The following MUC4 variants were observed in gnomAD, a reference collection of about 807,000 sequenced individuals.
MUC4 encodes mucin 4, cell surface associated.
Under a neutral mutation model 257.9 loss-of-function variants are expected in MUC4, and 202 were observed. The ratio of observed to expected loss-of-function variants is 0.78; its 90% CI spans 0.70 to 0.88. MUC4 has a LOEUF of 0.88. Among genes scored for constraint, MUC4 ranks in the 40% least tolerant of loss-of-function variants. MUC4 has a pLI of 0.00. For synonymous variants in MUC4, 2,351 were observed against 2,757.1 expected (o/e 0.85, Z 4.62); for missense variants, 5,976 against 6,513.7 (o/e 0.92, Z 2.84).
intron 2 of MUC4, 49 bp from the exon 3 acceptor site, chr3:195,778,504 A>G: frequency 6.3e-7 from 1 of 1,599,638 alleles, no homozygotes; most frequent in Non-Finnish European, 8.5e-7. Context: ...GTAACAAAAC[A>G]GGAGAGTCAA....
chr3:195,748,906 A>G lies in MUC4; in HGVS notation c.16030T>C (p.Cys5344Arg). The G allele has an allele frequency of 1.3e-6, 2 of 1,579,900 alleles. No homozygotes were observed. Among genetic ancestry groups the G allele is most frequent in the East Asian group, 2.3e-5 (1 of 43,736 alleles). ...CCTGGCCACAGCCCTATGCACCTGC[A>G]GCGGGGCCCACTGGGCAGGTGCTGG... ...QCQHLPSGPR[C>R]SCVSFSIYTA... Residue 5344 changes from cysteine to arginine, a missense_variant, in exon 24 of 25, where the codon TGC becomes CGC. By Grantham distance (180) the Cys-to-Arg change is radical. Transcript: ENST00000463781.
intron 21 of MUC4, 45 bp downstream of exon 21, chr3:195,752,328 C>T (rs768579370): frequency 9.7e-6 from 15 of 1,540,936 alleles, no homozygotes; most frequent in South Asian, 3.3e-5. Context: ...GGCCTGAACC[C>T]GCCAAGCGCC....
intron 16 of MUC4, 99 bp downstream of exon 16, chr3:195,760,785 A>G (rs1718714245): frequency 1.0e-6 from 1 of 957,238 alleles, no homozygotes; most frequent in Non-Finnish European, 1.7e-6. Context: ...GAATCTGCTC[A>G]GTGAATGCAG....
At chr3:195,760,824 G>A (rs1718725960) in intron 16 of MUC4, 60 bp downstream of exon 16, 3 of 1,393,714 alleles carry the variant, frequency 2.2e-6, no homozygotes, top group Non-Finnish European at 2.0e-6. Context: ...GGTCAGGCAA[G>A]GGCAGCTCCT....
At position 195,782,668 on chromosome 3, in the gene MUC4, G is replaced by T; in HGVS notation, c.8912C>A (p.Thr2971Lys). Reference protein sequence around the residue: ...LPVTDTSSASTGHATPLPDTD... With the variant: ...LPVTDTSSASKGHATPLPDTD... ...GTCAGGAAGAGGGGTGGCGTGACCTGTGGATGCTGAGGAAGTGTCGGTGAC... is the reference window on the plus strand; with the variant it reads ...GTCAGGAAGAGGGGTGGCGTGACCTTTGGATGCTGAGGAAGTGTCGGTGAC... Residue 2971 changes from threonine to lysine, a missense_variant, in exon 2 of 25, where the codon ACA becomes AAA. By Grantham distance (78) the Thr-to-Lys change is moderately conservative. Around this residue, in one of 44 missense-constraint regions of MUC4, gnomAD observed 13 missense variants for 52.4 expected, o/e 0.25. Coordinates refer to ENST00000463781, the MANE Select transcript of MUC4 (RefSeq NM_018406.7). 1 of 1,276,102 alleles carries T rather than the reference G, an allele frequency of 7.8e-7. No individual in the cohort carries two copies. The highest frequency in any genetic ancestry group is 1.1e-6 in the Non-Finnish European group (1 of 936,766). The allele number at this position is 1,276,102 out of a possible 1,614,324, so 79.0% of individuals were successfully genotyped here.
intron 17 of MUC4, among the ~76,000 whole-genome samples, chr3:195,758,822 C>T (rs990232987): frequency 1.3e-5 from 2 of 151,418 alleles, no homozygotes; most frequent in African/African-American, 4.9e-5. Flanking sequence ...CCGCCCACCT[C>T]GGCCTCCCAA....
chr3:195,767,528 T>TCATCACCATCACCACCACCATCAC (rs1472909855), intron 7 of MUC4, among the ~76,000 whole-genome samples: 1 of 28,078 alleles, frequency 3.6e-5, no homozygotes, highest in African/African-American at 1.1e-4. Flanking sequence ...ACCACCACCA[T>TCATCACCATCACCACCACCATCAC]CGCCACCACC....
At chr3:195,762,277 A>G (rs1322418430) in intron 13 of MUC4, 23 bp from the exon 14 acceptor site, 4 of 1,553,386 alleles carry the variant, frequency 2.6e-6, no homozygotes, top group Middle Eastern at 1.8e-4. Flanking sequence ...GAGGCAGCGG[A>G]GAGGAAGCCA....
chr3:195,766,357 C>CT (rs1720482056), intron 8 of MUC4, among the ~76,000 whole-genome samples: 1 of 152,122 alleles, frequency 6.6e-6, no homozygotes, highest in African/African-American at 2.4e-5. Context: ...ATCCCACCTC[C>CT]CACAAGACCC....
Position 195,789,949 on chromosome 3 carries a change from T to C in MUC4, c.1631A>G (p.Glu544Gly), listed in dbSNP as rs747119320. The C allele has an allele frequency of 5.0e-6, 8 of 1,613,806 alleles. No homozygotes were observed. In the South Asian group the frequency reaches 8.8e-5, roughly 18 times the overall value. Residue 544 changes from glutamate to glycine, a missense_variant, in exon 2 of 25, where the codon GAG (glutamate) becomes GGG (glycine). By Grantham distance (98) the Glu-to-Gly change is moderately conservative. Around this residue, in one of 44 missense-constraint regions of MUC4, gnomAD observed 1,583 missense variants for 1,257.4 expected, o/e 1.26. Coordinates refer to ENST00000463781, the MANE Select transcript of MUC4 (RefSeq NM_018406.7). ...SKVSAIGEPG[E>G]PTTYSSHSTT... ...GCTGTGGGAGGAGTATGTGGTGGGC[T>C]CTCCTGGTTCCCCTATTGCTGAGAC...
chr3:195,749,457 C>T (rs1240057910), intron 23 of MUC4, among the ~76,000 whole-genome samples: 4 of 152,128 alleles, frequency 2.6e-5, no homozygotes, highest in Non-Finnish European at 4.4e-5. Context: ...ATTCAGGGAA[C>T]ATTCCTTCAC....
At chr3:195,798,065 C>G (rs960507154) in intron 1 of MUC4, among the ~76,000 whole-genome samples, 1 of 152,140 alleles carries the variant, frequency 6.6e-6, no homozygotes, top group Admixed American at 6.5e-5. Flanking sequence ...CTGCAGTGAG[C>G]TATGATCACC....
At chr3:195,767,793 C>CCACCATCACCCCCAA (rs1553861076) in intron 7 of MUC4, among the ~76,000 whole-genome samples, 1 of 73,294 alleles carries the variant, frequency 1.4e-5, no homozygotes, top group African/African-American at 5.3e-5. Context: ...ACCATCATTG[C>CCACCATCACCCCCAA]CACCACCATC....
intron 1 of MUC4, among the ~76,000 whole-genome samples, chr3:195,794,408 GAGAA>G (rs1734305874): frequency 6.6e-6 from 1 of 151,870 alleles, no homozygotes; most frequent in Admixed American, 6.6e-5. Flanking sequence ...GAGAGAGAGA[GAGAA>G]AGAAAGAGAG....
chr3:195,807,557 G>T (rs1343052468), intron 1 of MUC4, among the ~76,000 whole-genome samples: 1 of 152,142 alleles, frequency 6.6e-6, no homozygotes, highest in Non-Finnish European at 1.5e-5. Context: ...GGTGCCAACA[G>T]ACTCAGTTAT....
Position 195,752,354 on chromosome 3 carries a change from C to CGCGGCCT in MUC4, c.15582+12_15582+18dup, listed in dbSNP as rs755040071. On this transcript the variant is annotated intron_variant, in intron 21 of 24. Transcript: ENST00000463781. ...GCCAAGCGCCCCCTCCCACCCAGAG[C>CGCGGCCT]GCGGCCTGCAGCACTGACCGAGGCG... is the stretch of plus-strand genomic sequence containing the variant. 87 of 1,604,718 alleles carry CGCGGCCT rather than the reference C, an allele frequency of 5.4e-5. No homozygotes were observed. The highest frequency in any genetic ancestry group is 7.3e-5 in the Non-Finnish European group (85 of 1,171,542).
rs369305327 is a variant in MUC4 at position 195,774,274 on chromosome 3, G to A, written c.12975C>T (p.Ala4325=). ...TCCTCCTGACGAACTCCAGGTCCCC[G>A]GCGCCTGCCCCATAGGGGAAGAGGG... ...GVSLFPYGAG[A]GDLEFVRRTV... Residue 4325 remains alanine, a synonymous_variant, in exon 4 of 25, where the codon GCC becomes GCT. Coordinates refer to ENST00000463781, the MANE Select transcript of MUC4 (RefSeq NM_018406.7). 5.5e-5 allele frequency: 87 copies of A among 1,589,936 alleles called. No individual in the cohort carries two copies. Among genetic ancestry groups the A allele is most frequent in the South Asian group, 4.5e-4 (39 of 87,604 alleles).
chr3:195,748,911 G>T lies in MUC4; in HGVS notation c.16025C>A (p.Pro5342His). 1 of 1,580,384 alleles carries T rather than the reference G, an allele frequency of 6.3e-7. No homozygotes were observed. The highest frequency in any genetic ancestry group is 1.2e-5 in the South Asian group (1 of 86,324). The change falls in exon 24 of 25, where the codon CCC (proline) becomes CAC (histidine). Residue 5342 changes from proline to histidine, a missense_variant. This residue lies in a region of MUC4 where 310 missense variants were observed against 242.1 expected (regional missense o/e 1.28). Coordinates refer to ENST00000463781, the MANE Select transcript of MUC4 (RefSeq NM_018406.7). ...CCACAGCCCTATGCACCTGCAGCGG[G>T]GCCCACTGGGCAGGTGCTGGCACTG... Reference protein sequence around the residue: ...GGQCQHLPSGPRCSCVSFSIY... With the variant: ...GGQCQHLPSGHRCSCVSFSIY...
Position 195,747,233 on chromosome 3 carries a change from C to T in MUC4, c.16182G>A (p.Trp5394Ter), listed in dbSNP as rs1273317452. 9 of 1,614,266 alleles carry T rather than the reference C, an allele frequency of 5.6e-6. No homozygotes were observed. The highest frequency in any genetic ancestry group is 3.3e-5 in the Admixed American group (2 of 60,032). Residue 5394 changes from tryptophan to a stop codon, truncating the protein, a stop_gained, in exon 25 of 25, where the codon TGG (tryptophan) becomes TGA (stop). Transcript: ENST00000463781. LOFTEE classifies it low-confidence loss of function (END_TRUNC). ...AGGAGAACCTGGCCCCGGAGCAACC[C>T]CAGAAGCGCAGGACCACGAACGTCC... ...GVGTFVVLRF[W>*]GCSGARFSYF... is the part of the protein sequence containing the mutation.
Sources: gnomAD v4.1 joint callset for allele counts (sites outside exome capture counted in the v4.1 genomes callset) on GRCh38, gnomAD v4.1.1 for gene constraint, gnomAD v4.1.1 regional missense constraint, MANE v1.5 for transcripts, NCBI Gene and HGNC (gene_info 2026-07-23, HGNC 2026-07-21) for gene names.